MORC1: variants seen among roughly 807,000 people sequenced by gnomAD.
The protein encoded by MORC1 is MORC family CW-type zinc finger 1, also known as MORC family CW-type zinc finger protein 1.
Under a neutral mutation model 134.9 loss-of-function variants are expected in MORC1, and 59 were observed. That is an observed-to-expected ratio of 0.44 (90% confidence interval 0.35 to 0.54). The LOEUF is 0.54. Ranked by LOEUF, MORC1 falls within the 20% of genes least tolerant of loss-of-function variation. The probability of loss-of-function intolerance (pLI) is 0.00; values close to 1 mark genes in which losing one functional copy is unlikely to be tolerated. For missense variants in MORC1, 947 were observed against 1,134.5 expected, an observed-to-expected ratio of 0.83 and a Z score of 2.37; for synonymous variants, 395 against 391.7, an observed-to-expected ratio of 1.01 and a Z score of -0.10.
At chr3:109,114,570 C>G in intron 1 of MORC1, 133 bp from the exon 2 acceptor site, 1 of 723,070 alleles carries the variant, frequency 1.4e-6, no homozygotes, top group Non-Finnish European at 2.2e-6. Flanking sequence ...CTAGAAACAA[C>G]TCTCTCAGCA....
chr3:109,097,010 T>C (rs1000103948), intron 6 of MORC1, among the ~76,000 whole-genome samples: 6 of 151,706 alleles, frequency 4.0e-5, no homozygotes. Flanking sequence ...TAGAAGAAAA[T>C]CATCAGCTAT....
intron 4 of MORC1, chr3:109,101,314 G>A (rs1950921109): frequency 6.6e-6 from 1 of 152,158 alleles, no homozygotes; most frequent in Non-Finnish European, 1.5e-5. Context: ...GATGACCTCT[G>A]CTCTGATACT....
intron 13 of MORC1, among the ~76,000 whole-genome samples, chr3:109,055,455 G>C (rs1202474691): frequency 6.6e-6 from 1 of 152,108 alleles, no homozygotes; most frequent in Non-Finnish European, 1.5e-5. Context: ...ACTGCCTTTT[G>C]CACGGCACAT....
chr3:109,067,044 A>G (rs956605472), intron 9 of MORC1, among the ~76,000 whole-genome samples: 1 of 152,214 alleles, frequency 6.6e-6, no homozygotes, highest in Non-Finnish European at 1.5e-5. Flanking sequence ...TATGGAAAGC[A>G]TCCCTAAATA....
intron 17 of MORC1, among the ~76,000 whole-genome samples, chr3:109,026,295 G>A (rs1322676827): frequency 2.0e-5 from 3 of 152,112 alleles, no homozygotes; most frequent in Non-Finnish European, 4.4e-5. Flanking sequence ...TATAAGTACT[G>A]CTAAATTTCT....
intron 17 of MORC1, among the ~76,000 whole-genome samples, chr3:109,012,630 A>G (rs958356736): frequency 6.6e-6 from 1 of 152,166 alleles, no homozygotes; most frequent in Non-Finnish European, 1.5e-5. Flanking sequence ...TCTTACATGT[A>G]TTTCGTCAAC....
chr3:109,005,422 A>T, intron 18 of MORC1, 107 bp from the exon 19 acceptor site: 3 of 1,070,060 alleles, frequency 2.8e-6, no homozygotes, highest in Non-Finnish European at 3.8e-6. Flanking sequence ...TATTACTACT[A>T]AAAAGTTTTT....
At chr3:109,011,879 C>T (rs1164815466) in intron 17 of MORC1, among the ~76,000 whole-genome samples, 2 of 152,174 alleles carry the variant, frequency 1.3e-5, no homozygotes, top group East Asian at 1.9e-4. Flanking sequence ...TATTATTTTG[C>T]AAATATTTTC....
rs557887696 is a variant in MORC1, at chr3:109,009,851, A to G, written c.1705-2760T>C. ...AGCTTCAAGTTTTACCGTTTTCCTG[A>G]AAAGTGTGCCTGATTTATACCTTTA... is the stretch of plus-strand genomic sequence containing the variant. On this transcript the variant is annotated intron_variant, in intron 17 of 27. Transcript: ENST00000232603. Among the ~76,000 whole-genome samples, 3 of 152,236 alleles carry G rather than the reference A, an allele frequency of 2.0e-5. No individual in the cohort carries two copies. The South Asian group carries it at 6.2e-4, about 32-fold the overall frequency.
chr3:108,978,635 A>G (rs1947628070), intron 24 of MORC1, among the ~76,000 whole-genome samples: 2 of 152,170 alleles, frequency 1.3e-5, no homozygotes, highest in South Asian at 2.1e-4. Context: ...TACAGTCCCT[A>G]TGTACGTGTT....
chr3:109,100,549 T>C (rs767304700), intron 4 of MORC1, 42 bp from the exon 5 acceptor site: 2 of 1,476,180 alleles, frequency 1.4e-6, no homozygotes, highest in Non-Finnish European at 1.9e-6. Flanking sequence ...GGAAGACTCT[T>C]TGACACTGGC....
At chr3:108,981,096 G>A (rs1375703161) in intron 23 of MORC1, among the ~76,000 whole-genome samples, 1 of 152,138 alleles carries the variant, frequency 6.6e-6, no homozygotes, top group Non-Finnish European at 1.5e-5. Context: ...CAGTACCATA[G>A]GGGGAAAAAA....
chr3:109,017,199 G>A (rs1056504110), intron 17 of MORC1, among the ~76,000 whole-genome samples: 13 of 152,110 alleles, frequency 8.5e-5, no homozygotes, highest in African/African-American at 3.1e-4. Context: ...AGGCCCAATG[G>A]ACTTAGCACG....
intron 8 of MORC1, among the ~76,000 whole-genome samples, chr3:109,072,296 A>G (rs2107713348): frequency 6.6e-6 from 1 of 152,210 alleles, no homozygotes; most frequent in Non-Finnish European, 1.5e-5. Flanking sequence ...TGGCATATTC[A>G]GTTCTTCAGC....
chr3:109,103,187 T>C (rs1231015324), intron 4 of MORC1, among the ~76,000 whole-genome samples: 2 of 152,240 alleles, frequency 1.3e-5, no homozygotes, highest in Non-Finnish European at 2.9e-5. Context: ...GAACACACCA[T>C]GTTTAAAGAA....
intron 8 of MORC1, among the ~76,000 whole-genome samples, chr3:109,077,820 T>C (rs1048652025): frequency 6.6e-6 from 1 of 151,570 alleles, no homozygotes; most frequent in Non-Finnish European, 1.5e-5. Context: ...CAGAAGCAGT[T>C]AGAATAAGCA....
intron 14 of MORC1, among the ~76,000 whole-genome samples, chr3:109,043,367 T>C (rs915351304): frequency 2.0e-5 from 3 of 152,108 alleles, no homozygotes; most frequent in Admixed American, 6.6e-5. Context: ...GTCAAAATCA[T>C]AGAGACAGAA....
chr3:108,981,035 A>G (rs1365137665), intron 23 of MORC1, among the ~76,000 whole-genome samples: 1 of 152,174 alleles, frequency 6.6e-6, no homozygotes, highest in Non-Finnish European at 1.5e-5. Context: ...CTGCAGCATG[A>G]AAAATAACTC....
chr3:108,959,258 C>A (rs1947016320), intron 27 of MORC1, 138 bp from the exon 28 acceptor site: 4 of 642,998 alleles, frequency 6.2e-6, no homozygotes, highest in Non-Finnish European at 7.3e-6. Flanking sequence ...ATGCTTTTAA[C>A]CTTTCAAAAG....
Sources: gnomAD v4.1 joint callset for allele counts (sites outside exome capture counted in the v4.1 genomes callset) on GRCh38, gnomAD v4.1.1 for gene constraint, MANE v1.5 for transcripts, NCBI Gene and HGNC (gene_info 2026-07-23, HGNC 2026-07-21) for gene names.